The following GOPC variants were observed in gnomAD, a reference collection of about 807,000 sequenced individuals.
The protein encoded by GOPC is Golgi-associated PDZ and coiled-coil motif-containing protein.
Under a neutral mutation model 51.2 loss-of-function variants are expected in GOPC, and 32 were observed. That is an observed-to-expected ratio of 0.63 (90% CI 0.47 to 0.84). GOPC has a LOEUF of 0.84. Among genes scored for constraint, GOPC ranks in the 40% least tolerant of loss-of-function variants. GOPC has a pLI of 0.00. For missense variants in GOPC, 441 were observed against 555.5 expected, an observed-to-expected ratio of 0.79 and a Z score of 2.07; for synonymous variants, 190 against 205.1, an observed-to-expected ratio of 0.93 and a Z score of 0.63.
rs1291542371 is a variant in GOPC at position 117,562,868 on chromosome 6, A to G, written c.*386T>C. 4.5e-6 allele frequency: 1 copy of G among 223,794 alleles called. No individual in the cohort carries two copies. Among genetic ancestry groups the G allele is most frequent in the African/African-American group, 2.2e-5 (1 of 44,742 alleles). The allele number at this position is 223,794 out of a possible 1,614,324, so 13.9% of individuals were successfully genotyped here. ...ATTCTAGAATATAAAATATGAATTC[A>G]CTTACTCTCTGTATTTTAAAGGGTA... On this transcript the variant is annotated 3_prime_UTR_variant, in exon 9 of 9. Transcript: ENST00000368498.
At chr6:117,585,823 A>G (rs779879768) in intron 1 of GOPC, among the ~76,000 whole-genome samples, 5 of 152,192 alleles carry the variant, frequency 3.3e-5, no homozygotes, top group Admixed American at 1.3e-4. Flanking sequence ...ATACACAGAC[A>G]CACCTGTAGG....
rs141805493 is a variant in GOPC at position 117,570,071 on chromosome 6, T to G, written c.913-335A>C. 6.0e-3 allele frequency among the ~76,000 whole-genome samples: 914 copies of G among 152,208 alleles called. 13 individuals are homozygous for G. The highest frequency in any genetic ancestry group is 0.02 in the African/African-American group (842 of 41,544). On this transcript the variant is annotated intron_variant, in intron 6 of 8. Coordinates refer to ENST00000368498, the MANE Select transcript of GOPC (RefSeq NM_020399.4). The stretch of plus-strand genomic sequence containing the variant: ...TTAAGATTATAAGATAAATTTCAAT[T>G]TCAGAGAAGTTAAAATATGAAAATA...
intron 5 of GOPC, 69 bp downstream of exon 5, chr6:117,573,398 A>G: frequency 2.0e-6 from 3 of 1,512,108 alleles, no homozygotes; most frequent in Non-Finnish European, 2.7e-6. Flanking sequence ...AAAGGAAAGA[A>G]TGGAAAGCAA....
intron 8 of GOPC, among the ~76,000 whole-genome samples, chr6:117,565,381 ATAT>A (rs1237449777): frequency 6.6e-6 from 1 of 152,198 alleles, no homozygotes; most frequent in Non-Finnish European, 1.5e-5. Context: ...TTGTTCTCTG[ATAT>A]TATACAAAAA....
In GOPC at chr6:117,579,533, G is replaced by GTGA. The variant is rs1562142793; in HGVS notation, c.286-470_286-469insTCA. Among the ~76,000 whole-genome samples, 168 of 152,134 alleles carry GTGA rather than the reference G, an allele frequency of 1.1e-3. 2 individuals carry two copies. The East Asian group carries it at 0.027, about 24-fold the overall frequency. ...CCCAAATCATCCCAATCATTATCTA[G>GTGA]TAAAGTTATTTTAGGTGCTAAGGTA... On this transcript the variant is annotated intron_variant, in intron 1 of 8. Coordinates refer to ENST00000368498, the MANE Select transcript of GOPC (RefSeq NM_020399.4).
Position 117,573,566 on chromosome 6 carries a change from T to C in GOPC, c.717A>G (p.Gln239=), listed in dbSNP as rs756484909. 8.1e-6 allele frequency: 13 copies of C among 1,614,104 alleles called. No individual in the cohort carries two copies. Among genetic ancestry groups the C allele is most frequent in the Middle Eastern group, 1.6e-4 (1 of 6,062 alleles). Residue 239 remains glutamine (Q), a synonymous_variant, in exon 5 of 9, where the codon CAA becomes CAG. Transcript: ENST00000368498. Reference sequence around the variant, plus strand: ...GATGCAAATGTATTTCAGCTTCTAATTGGTTCCAAAGCTTATCATGAGCAG... The same window carrying C: ...GATGCAAATGTATTTCAGCTTCTAACTGGTTCCAAAGCTTATCATGAGCAG... ...KGPAHDKLWN[Q]LEAEIHLHRH... is the part of the protein sequence containing the mutation.
chr6:117,588,207 CAA>C (rs1780061054), intron 1 of GOPC, among the ~76,000 whole-genome samples: 1 of 151,796 alleles, frequency 6.6e-6, no homozygotes, highest in Admixed American at 6.6e-5. Flanking sequence ...TTATTATAAA[CAA>C]AAGAGGTTTA....
intron 1 of GOPC, among the ~76,000 whole-genome samples, chr6:117,595,712 A>C (rs1002928318): frequency 1.3e-5 from 2 of 152,166 alleles, no homozygotes; most frequent in Admixed American, 6.5e-5. Flanking sequence ...AGGTTGCTGC[A>C]AGTGCCACTA....
At chr6:117,600,851 A>G (rs1223302915) in intron 1 of GOPC, among the ~76,000 whole-genome samples, 1 of 152,226 alleles carries the variant, frequency 6.6e-6, no homozygotes, top group Non-Finnish European at 1.5e-5. Flanking sequence ...GGATAGAAGA[A>G]ATTAACAGTT....
chr6:117,578,220 G>A (rs758996008), intron 2 of GOPC, among the ~76,000 whole-genome samples: 2 of 152,156 alleles, frequency 1.3e-5, no homozygotes, highest in Non-Finnish European at 2.9e-5. Context: ...AGTTTTACTG[G>A]AAGTGGCCAT....
chr6:117,573,908 A>T (rs1213504902), intron 4 of GOPC, among the ~76,000 whole-genome samples: 5 of 152,174 alleles, frequency 3.3e-5, no homozygotes, highest in African/African-American at 7.2e-5. Context: ...CTAAAAAAAA[A>T]TTTATGAGAT....
At chr6:117,600,606 C>T (rs898805058) in intron 1 of GOPC, among the ~76,000 whole-genome samples, 1 of 151,890 alleles carries the variant, frequency 6.6e-6, no homozygotes, top group Middle Eastern at 3.2e-3. Context: ...GAATTCAAGA[C>T]CAAACTGGGC....
intron 1 of GOPC, among the ~76,000 whole-genome samples, chr6:117,590,056 T>C (rs1780092208): frequency 6.6e-6 from 1 of 152,176 alleles, no homozygotes; most frequent in Non-Finnish European, 1.5e-5. Context: ...ACTGTATACA[T>C]GAATATAGAG....
chr6:117,579,516 A>G (rs1228602433), intron 1 of GOPC, among the ~76,000 whole-genome samples: 1 of 151,984 alleles, frequency 6.6e-6, no homozygotes, highest in Non-Finnish European at 1.5e-5. Flanking sequence ...AGCCCAAATC[A>G]TCCCAATCAT....
intron 1 of GOPC, among the ~76,000 whole-genome samples, chr6:117,579,754 A>G (rs1396908868): frequency 1.3e-5 from 2 of 152,098 alleles, no homozygotes; most frequent in Non-Finnish European, 2.9e-5. Flanking sequence ...TAGCCAGTAG[A>G]TTAAAGATCA....
chr6:117,598,135 G>T (rs1178383117), intron 1 of GOPC, among the ~76,000 whole-genome samples: 2 of 150,244 alleles, frequency 1.3e-5, no homozygotes, highest in Non-Finnish European at 2.9e-5. Flanking sequence ...GAGGCAGGAG[G>T]ATCTCTTGAG....
chr6:117,571,629 T>A (rs970189830), intron 5 of GOPC, among the ~76,000 whole-genome samples: 3 of 152,098 alleles, frequency 2.0e-5, no homozygotes, highest in African/African-American at 7.2e-5. Context: ...TACACGAAGT[T>A]CATCCTCATC....
Position 117,602,243 on chromosome 6 carries a change from C to G in GOPC, c.46G>C (p.Gly16Arg), listed in dbSNP as rs748897387. The change falls in exon 1 of 9, where the codon GGG becomes CGG. Residue 16 changes from glycine to arginine, a missense_variant. Gly to Arg is a moderately radical substitution (Grantham distance 125). Around this residue, in one of 3 missense-constraint regions of GOPC, gnomAD observed 204 missense variants for 219.8 expected, o/e 0.93. Transcript: ENST00000368498. ...PCPAAAGGGPGGASCSVGAPG... is the reference protein window; with the variant it reads ...PCPAAAGGGPRGASCSVGAPG... ...GCCCCCACGGAGCAGGAGGCGCCCC[C>G]TGGGCCCCCTCCGGCTGCTGCTGGG... is the stretch of plus-strand genomic sequence containing the variant. 5.6e-6 allele frequency: 9 copies of G among 1,601,634 alleles called. No individual in the cohort carries two copies. In the Admixed American group the frequency reaches 6.7e-5, roughly 12 times the overall value.
intron 3 of GOPC, 22 bp from the exon 4 acceptor site, chr6:117,575,374 A>G: frequency 6.5e-7 from 1 of 1,541,800 alleles, no homozygotes; most frequent in Non-Finnish European, 8.8e-7. Flanking sequence ...TTAAAAGCAT[A>G]TAATTTAATG....
Sources: allele counts gnomAD v4.1 joint callset (sites outside exome capture counted in the v4.1 genomes callset), GRCh38; gene constraint gnomAD v4.1.1; regional missense constraint gnomAD v4.1.1; transcripts MANE v1.5; gene names NCBI Gene and HGNC (gene_info 2026-07-23, HGNC 2026-07-21).